The following EIF4EBP1 variants were observed in gnomAD, a reference collection of about 807,000 sequenced individuals.
The protein encoded by EIF4EBP1 is eukaryotic translation initiation factor 4E-binding protein 1.
EIF4EBP1 carries 5 observed loss-of-function variants against 9.2 expected under a neutral mutation model. The ratio of observed to expected loss-of-function variants is 0.54; its 90% CI spans 0.28 to 1.14. The LOEUF is 1.14. Among genes scored for constraint, EIF4EBP1 ranks in the 50% most tolerant of loss-of-function variants. The pLI is 0.09. For synonymous variants in EIF4EBP1, 62 were observed against 67.0 expected (o/e 0.93, Z 0.36); for missense variants, 139 against 169.6 (o/e 0.82, Z 1.00).
chr8:38,053,530 T>G (rs1237873035), intron 1 of EIF4EBP1, among the ~76,000 whole-genome samples: 1 of 152,212 alleles, frequency 6.6e-6, no homozygotes, highest in Non-Finnish European at 1.5e-5. Flanking sequence ...TTTGTATTTT[T>G]GGTAGAGACG....
Position 38,041,932 on chromosome 8 carries a change from C to T in EIF4EBP1, c.145+11214C>T, listed in dbSNP as rs144416883. Among the ~76,000 whole-genome samples, 518 of 151,916 alleles carry T rather than the reference C, an allele frequency of 3.4e-3. 2 individuals carry two copies. The highest frequency in any genetic ancestry group is 0.011 in the African/African-American group (451 of 41,410). ...TCTGGAGCCCAGGAATTTGAGGTTA[C>T]GGTGAGCTATGATCACGCCACTGCA... is the stretch of plus-strand genomic sequence containing the variant. On this transcript the variant is annotated intron_variant, in intron 1 of 2. Coordinates refer to ENST00000338825, the MANE Select transcript of EIF4EBP1 (RefSeq NM_004095.4).
chr8:38,051,621 C>CA (rs1242229902), intron 1 of EIF4EBP1, among the ~76,000 whole-genome samples: 8 of 151,844 alleles, frequency 5.3e-5, no homozygotes, highest in Non-Finnish European at 1.0e-4. Flanking sequence ...TTTTTTGTGA[C>CA]AGAGTCGTGC....
chr8:38,052,563 C>T (rs1320810076), intron 1 of EIF4EBP1, among the ~76,000 whole-genome samples: 1 of 152,054 alleles, frequency 6.6e-6, no homozygotes. Flanking sequence ...ACCCTGTCTC[C>T]ACTGAAACTA....
At chr8:38,040,504 G>A (rs904921190) in intron 1 of EIF4EBP1, among the ~76,000 whole-genome samples, 10 of 152,188 alleles carry the variant, frequency 6.6e-5, no homozygotes, top group Admixed American at 6.5e-5. Context: ...AAACAGCAGC[G>A]ATTTGTTATT....
At chr8:38,037,656 G>C (rs914088922) in intron 1 of EIF4EBP1, among the ~76,000 whole-genome samples, 3 of 152,090 alleles carry the variant, frequency 2.0e-5, no homozygotes, top group Admixed American at 2.0e-4. Context: ...GTCTCCGCTG[G>C]CTTAATGATG....
chr8:38,052,279 T>C (rs561331781), intron 1 of EIF4EBP1, among the ~76,000 whole-genome samples: 2 of 151,646 alleles, frequency 1.3e-5, no homozygotes, highest in East Asian at 3.9e-4. Flanking sequence ...TTTTTTTTTT[T>C]AGACAGGGTC....
chr8:38,050,963 G>T (rs1417882101), intron 1 of EIF4EBP1, among the ~76,000 whole-genome samples: 1 of 152,022 alleles, frequency 6.6e-6, no homozygotes, highest in Admixed American at 6.6e-5. Context: ...GAGAGGAGAG[G>T]GCTTAAGGCT....
At chr8:38,034,386 T>C (rs1310127156) in intron 1 of EIF4EBP1, among the ~76,000 whole-genome samples, 1 of 152,138 alleles carries the variant, frequency 6.6e-6, no homozygotes, top group Non-Finnish European at 1.5e-5. Flanking sequence ...ATTTGCACAC[T>C]GAGGCTCTGC....
At chr8:38,054,668 C>T (rs1809570516) in intron 1 of EIF4EBP1, among the ~76,000 whole-genome samples, 1 of 152,138 alleles carries the variant, frequency 6.6e-6, no homozygotes, top group Admixed American at 6.5e-5. Context: ...CCAAGCCTTG[C>T]AGAGTGGAGC....
At chr8:38,047,077 C>T (rs1809457377) in intron 1 of EIF4EBP1, among the ~76,000 whole-genome samples, 1 of 152,126 alleles carries the variant, frequency 6.6e-6, no homozygotes, top group Admixed American at 6.6e-5. Context: ...ATGGATGTTT[C>T]TCTGGGCCGG....
chr8:38,055,345 GTAAAA>G (rs1271939829), intron 1 of EIF4EBP1, among the ~76,000 whole-genome samples: 3 of 152,046 alleles, frequency 2.0e-5, no homozygotes, highest in African/African-American at 7.2e-5. Flanking sequence ...AATCAAAAAA[GTAAAA>G]TAAAGTGTAA....
chr8:38,041,171 A>G lies in EIF4EBP1; in HGVS notation c.145+10453A>G, dbSNP rs567414128. Among the ~76,000 whole-genome samples the G allele has an allele frequency of 5.3e-5, 8 of 152,094 alleles. No individual in the cohort carries two copies. The South Asian group carries it at 1.7e-3, about 32-fold the overall frequency. On this transcript the variant is annotated intron_variant, in intron 1 of 2. Transcript: ENST00000338825. ...GGCCAGAGTGCAGTGGCACGATCTC[A>G]GCTCACTGCAACCTCCGCCTCCCAG...
At chr8:38,040,286 AGAGT>A (rs987264370) in intron 1 of EIF4EBP1, among the ~76,000 whole-genome samples, 4 of 152,202 alleles carry the variant, frequency 2.6e-5, no homozygotes, top group African/African-American at 9.6e-5. Flanking sequence ...TGACAAGGCA[AGAGT>A]AAGTAACTGC....
At chr8:38,034,920 C>T (rs138148177) in intron 1 of EIF4EBP1, among the ~76,000 whole-genome samples, 66 of 152,190 alleles carry the variant, frequency 4.3e-4, no homozygotes, top group African/African-American at 1.5e-3. Flanking sequence ...GAGGGAGAAA[C>T]GATGGACCCT....
chr8:38,043,438 C>T (rs1177758605), intron 1 of EIF4EBP1, among the ~76,000 whole-genome samples: 1 of 147,906 alleles, frequency 6.8e-6, no homozygotes, highest in Non-Finnish European at 1.5e-5. Context: ...GATCTTGGCT[C>T]ACTGCAACCT....
At chr8:38,043,109 A>G (rs769860485) in intron 1 of EIF4EBP1, among the ~76,000 whole-genome samples, 1 of 152,106 alleles carries the variant, frequency 6.6e-6, no homozygotes, top group African/African-American at 2.4e-5. Flanking sequence ...CTATTCAACT[A>G]TTCAGCTCAT....
chr8:38,051,632 T>C (rs1033408085), intron 1 of EIF4EBP1, among the ~76,000 whole-genome samples: 3 of 152,162 alleles, frequency 2.0e-5, no homozygotes, highest in Non-Finnish European at 2.9e-5. Context: ...AGAGTCGTGC[T>C]CTGTCTCCCA....
chr8:38,055,621 T>C (rs1385245089), intron 1 of EIF4EBP1, among the ~76,000 whole-genome samples: 4 of 151,404 alleles, frequency 2.6e-5, no homozygotes, highest in Non-Finnish European at 4.4e-5. Context: ...ATTATTATAT[T>C]ATTGTATATT....
chr8:38,049,622 T>G (rs1344392973), intron 1 of EIF4EBP1, among the ~76,000 whole-genome samples: 1 of 151,438 alleles, frequency 6.6e-6, no homozygotes, highest in African/African-American at 2.4e-5. Flanking sequence ...GCTGGGATTA[T>G]AGACACACAC....
Sources: gnomAD v4.1 joint callset for allele counts (sites outside exome capture counted in the v4.1 genomes callset) on GRCh38, gnomAD v4.1.1 for gene constraint, MANE v1.5 for transcripts, NCBI Gene and HGNC (gene_info 2026-07-23, HGNC 2026-07-21) for gene names.